Variants in MTRF1 observed in about 807,000 individuals in gnomAD.
The protein encoded by MTRF1 is mitochondrial translation release factor 1.
A neutral mutation model predicts 62.9 loss-of-function variants in MTRF1; 51 were observed. That is an observed-to-expected ratio of 0.81 (90% CI 0.65 to 1.02). MTRF1 has a LOEUF of 1.02. MTRF1 is among the 50% of genes least tolerant of loss of function. MTRF1 has a pLI of 0.00. For missense variants in MTRF1, 446 were observed against 530.0 expected, an observed-to-expected ratio of 0.84 and a Z score of 1.56; for synonymous variants, 158 against 181.9, an observed-to-expected ratio of 0.87 and a Z score of 1.06.
At chr13:41,254,345 T>C (rs2039450811) in intron 3 of MTRF1, among the ~76,000 whole-genome samples, 184 bp downstream of exon 3, 1 of 152,174 alleles carries the variant, frequency 6.6e-6, no homozygotes, top group South Asian at 2.1e-4. Flanking sequence ...GTCTTTATTA[T>C]TTGACATCGT....
chr13:41,221,235 CA>C (rs1303145195), intron 9 of MTRF1, among the ~76,000 whole-genome samples: 1 of 151,148 alleles, frequency 6.6e-6, no homozygotes, highest in African/African-American at 2.4e-5. Flanking sequence ...TGGCTCACTA[CA>C]AGTTCCACCT....
At chr13:41,264,936 G>A (rs1191348907), upstream of MTRF1, among the ~76,000 whole-genome samples, 1 of 152,134 alleles carries the variant, frequency 6.6e-6, no homozygotes, top group Admixed American at 6.5e-5. Flanking sequence ...CTAGTCATGA[G>A]GATTTAGCAA....
At chr13:41,236,996 T>C (rs570539964) in intron 6 of MTRF1, among the ~76,000 whole-genome samples, 34 of 152,020 alleles carry the variant, frequency 2.2e-4, no homozygotes, top group Non-Finnish European at 4.7e-4. Context: ...GGCAGGCAGA[T>C]CACTTGAGCT....
intron 2 of MTRF1, 103 bp downstream of exon 2, chr13:41,260,390 C>A: frequency 8.8e-7 from 1 of 1,136,030 alleles, no homozygotes; most frequent in Non-Finnish European, 1.2e-6. Flanking sequence ...TTCAATAAAG[C>A]TTTAACTTAG....
At chr13:41,293,667 A>T in the MTRF1 span, among the ~76,000 whole-genome samples, 1 of 152,228 alleles carries the variant, frequency 6.6e-6, no homozygotes, top group South Asian at 2.1e-4. Context: ...TAACAAGGAA[A>T]TAATTTGATA....
the MTRF1 span, among the ~76,000 whole-genome samples, chr13:41,290,695 T>TA: frequency 2.6e-5 from 4 of 151,374 alleles, no homozygotes; most frequent in African/African-American, 9.7e-5. Context: ...GCTTGGCCTG[T>TA]AATGGTTCTT....
upstream of MTRF1, among the ~76,000 whole-genome samples, chr13:41,267,644 A>C (rs1594105557): frequency 6.6e-6 from 1 of 152,272 alleles, no homozygotes; most frequent in African/African-American, 2.4e-5. Flanking sequence ...CAAGGTGGGA[A>C]GATTGCTTGA....
At chr13:41,263,259 C>T (rs1423443825) in intron 1 of MTRF1, 3 of 1,288,714 alleles carry the variant, frequency 2.3e-6, no homozygotes, top group Non-Finnish European at 2.0e-6. Flanking sequence ...TGTTTACTCT[C>T]CAAGGTTAAC....
the MTRF1 span, among the ~76,000 whole-genome samples, chr13:41,291,505 A>T: frequency 6.6e-6 from 1 of 152,096 alleles, no homozygotes; most frequent in Non-Finnish European, 1.5e-5. Context: ...ATTGAAAAAG[A>T]TTTAGCGACT....
At chr13:41,231,032 C>T (rs563629128) in intron 7 of MTRF1, among the ~76,000 whole-genome samples, 1 of 152,144 alleles carries the variant, frequency 6.6e-6, no homozygotes, top group Admixed American at 6.6e-5. Context: ...GGCCCCCACC[C>T]CGCTTTTTTT....
chr13:41,220,341 A>C (rs974375352), intron 9 of MTRF1, among the ~76,000 whole-genome samples: 1 of 151,752 alleles, frequency 6.6e-6, no homozygotes, highest in Non-Finnish European at 1.5e-5. Flanking sequence ...AAAAAAAAAA[A>C]AAAAACAGGA....
intron 9 of MTRF1, chr13:41,220,602 A>T (rs2033125489): frequency 2.7e-5 from 35 of 1,288,758 alleles, no homozygotes; most frequent in Non-Finnish European, 3.5e-5. Flanking sequence ...GGAATGTGGA[A>T]TGTGCAGGGT....
chr13:41,223,177 T>C, intron 9 of MTRF1, 79 bp downstream of exon 9: 2 of 887,064 alleles, frequency 2.3e-6, no homozygotes, highest in South Asian at 4.5e-5. Context: ...TACTTGGTAA[T>C]ATCTACATAT....
the MTRF1 span, among the ~76,000 whole-genome samples, chr13:41,273,141 A>G: frequency 2.0e-5 from 3 of 152,040 alleles, no homozygotes; most frequent in Non-Finnish European, 4.4e-5. Context: ...CCTAGCTAAC[A>G]CAGTGAAACC....
At chr13:41,264,469 C>T (rs1482523247), upstream of MTRF1, among the ~76,000 whole-genome samples, 2 of 152,234 alleles carry the variant, frequency 1.3e-5, no homozygotes. Flanking sequence ...CTTTCTATCT[C>T]CATGCCTCAA....
At chr13:41,239,572 A>G (rs537584892) in intron 6 of MTRF1, among the ~76,000 whole-genome samples, 1 of 152,040 alleles carries the variant, frequency 6.6e-6, no homozygotes, top group South Asian at 2.1e-4. Flanking sequence ...TAAAAAAAAA[A>G]GGTTAGGGAA....
chr13:41,225,321 G>A (rs537640484), intron 8 of MTRF1, among the ~76,000 whole-genome samples: 6 of 152,156 alleles, frequency 3.9e-5, no homozygotes, highest in African/African-American at 1.2e-4. Context: ...TAGTGTCTGT[G>A]GTTATCACTT....
chr13:41,306,293 A>G, the MTRF1 span, among the ~76,000 whole-genome samples: 1 of 152,054 alleles, frequency 6.6e-6, no homozygotes, highest in Admixed American at 6.5e-5. Context: ...CTGAGACAGG[A>G]GAACGGCGTG....
intron 2 of MTRF1, among the ~76,000 whole-genome samples, chr13:41,258,360 G>A (rs1040634306): frequency 6.6e-6 from 1 of 152,054 alleles, no homozygotes; most frequent in Admixed American, 6.6e-5. Flanking sequence ...TGAATCATAG[G>A]TTAGTTCATT....
Sources: allele counts gnomAD v4.1 joint callset (sites outside exome capture counted in the v4.1 genomes callset), GRCh38; gene constraint gnomAD v4.1.1; transcripts MANE v1.5; gene names NCBI Gene and HGNC (gene_info 2026-07-23, HGNC 2026-07-21).